The following PRSS12 variants were observed in gnomAD, a reference collection of about 807,000 sequenced individuals.
The protein encoded by PRSS12 is serine protease 12.
Under a neutral mutation model 104.4 loss-of-function variants are expected in PRSS12, and 85 were observed. The ratio of observed to expected loss-of-function variants is 0.81; its 90% CI spans 0.68 to 0.98. The LOEUF is 0.98. PRSS12 is among the 50% of genes least tolerant of loss of function. The pLI is 0.00. For synonymous variants in PRSS12, 454 were observed against 425.2 expected, an observed-to-expected ratio of 1.07 and a Z score of -0.83; for missense variants, 1,141 against 1,139.2, an observed-to-expected ratio of 1.00 and a Z score of -0.02.
At chr4:118,327,419 T>G (rs1723802677) in intron 4 of PRSS12, among the ~76,000 whole-genome samples, 1 of 152,106 alleles carries the variant, frequency 6.6e-6, no homozygotes, top group South Asian at 2.1e-4. Context: ...CACAAAGTGT[T>G]GGGATTATAG....
chr4:118,322,786 G>A (rs996123070), intron 4 of PRSS12, among the ~76,000 whole-genome samples: 7 of 152,046 alleles, frequency 4.6e-5, no homozygotes, highest in South Asian at 2.1e-4. Context: ...GAAGATACAG[G>A]ATAGGAGAGA....
intron 4 of PRSS12, among the ~76,000 whole-genome samples, chr4:118,328,616 G>C (rs1487382984): frequency 6.6e-6 from 1 of 152,014 alleles, no homozygotes; most frequent in Non-Finnish European, 1.5e-5. Context: ...CTACATTACA[G>C]CATGAATTTC....
At chr4:118,351,357 A>T (rs564610373) in intron 1 of PRSS12, among the ~76,000 whole-genome samples, 1 of 152,174 alleles carries the variant, frequency 6.6e-6, no homozygotes, top group Non-Finnish European at 1.5e-5. Context: ...CAAAAAAAAA[A>T]ACCTAATTTC....
At chr4:118,315,388 T>C (rs1043461283) in intron 6 of PRSS12, among the ~76,000 whole-genome samples, 4 of 152,188 alleles carry the variant, frequency 2.6e-5, no homozygotes, top group African/African-American at 9.6e-5. Flanking sequence ...ATGTTTAACA[T>C]GGCTTTGCCT....
In PRSS12 at chr4:118,331,788, T is replaced by C. The variant is rs529092668; in HGVS notation, c.899A>G (p.Gln300Arg). The change falls in exon 4 of 13, where the codon CAG becomes CGG. Residue 300 changes from glutamine to arginine, a missense_variant. Transcript: ENST00000296498. ...EGRVELYHAG[Q>R]WGTVCDDQWD... The stretch of plus-strand genomic sequence containing the variant: ...TTGGTCATCACAAACGGTTCCCCAC[T>C]GGCCAGCATGGTAGAGCTCCACCCG... The C allele has an allele frequency of 6.2e-7, 1 of 1,614,194 alleles. No individual in the cohort carries two copies. The highest frequency in any genetic ancestry group is 1.1e-5 in the South Asian group (1 of 91,088).
At chr4:118,327,177 C>A (rs1723796032) in intron 4 of PRSS12, among the ~76,000 whole-genome samples, 1 of 151,506 alleles carries the variant, frequency 6.6e-6, no homozygotes, top group South Asian at 2.1e-4. Context: ...TTTTTTGAAA[C>A]AGGGTCTTAC....
At chr4:118,345,054 G>C (rs191832562) in intron 1 of PRSS12, among the ~76,000 whole-genome samples, 257 of 152,262 alleles carry the variant, frequency 1.7e-3, no homozygotes, top group African/African-American at 6.0e-3. Flanking sequence ...ACCTCACCCA[G>C]AAAATGGCTG....
At chr4:118,347,957 T>G (rs1158539482) in intron 1 of PRSS12, among the ~76,000 whole-genome samples, 2 of 152,164 alleles carry the variant, frequency 1.3e-5, no homozygotes, top group African/African-American at 4.8e-5. Flanking sequence ...TGGGCAGCCA[T>G]GGTAGCTCAT....
intron 1 of PRSS12, among the ~76,000 whole-genome samples, 170 bp from the exon 2 acceptor site, chr4:118,338,484 G>C (rs1724116953): frequency 6.6e-6 from 1 of 152,154 alleles, no homozygotes; most frequent in Non-Finnish European, 1.5e-5. Context: ...TGAGGATTTA[G>C]CAAGCTCCTT....
At chr4:118,299,611 C>T (rs1407980253) in intron 8 of PRSS12, among the ~76,000 whole-genome samples, 2 of 150,820 alleles carry the variant, frequency 1.3e-5, no homozygotes, top group Non-Finnish European at 1.5e-5. Context: ...ACCGAAGAGG[C>T]GGAAGCTGCA....
chr4:118,295,778 C>G lies in PRSS12; in HGVS notation c.1916G>C (p.Arg639Thr), dbSNP rs1337934011. Residue 639 changes from arginine (R) to threonine (T), a missense_variant and splice_region_variant, in exon 10 of 13, where the codon AGG becomes ACG. By Grantham distance (71) the Arg-to-Thr change is moderately conservative. Transcript: ENST00000296498. ...KRIIGGKNSL[R>T]GGWPWQVSLR... ...AAATCTCTTTTGGAGGAACATTTAC[C>G]TTAAAGAATTTTTCCCACCAATGAT... The G allele has an allele frequency of 6.2e-7, 1 of 1,611,772 alleles. No homozygotes were observed. Among genetic ancestry groups the G allele is most frequent in the Admixed American group, 1.7e-5 (1 of 59,960 alleles).
At chr4:118,294,288 C>A (rs1743201107) in intron 11 of PRSS12, among the ~76,000 whole-genome samples, 1 of 151,784 alleles carries the variant, frequency 6.6e-6, no homozygotes, top group African/African-American at 2.4e-5. Context: ...ATTTAAATAC[C>A]AAAATTAATG....
At chr4:118,332,954 C>A (rs557608654) in intron 3 of PRSS12, among the ~76,000 whole-genome samples, 1 of 151,886 alleles carries the variant, frequency 6.6e-6, no homozygotes, top group African/African-American at 2.4e-5. Flanking sequence ...CTAAGGGCGT[C>A]GATAAAAGGA....
intron 1 of PRSS12, among the ~76,000 whole-genome samples, chr4:118,349,342 T>G (rs907423775): frequency 6.6e-6 from 1 of 151,356 alleles, no homozygotes; most frequent in Non-Finnish European, 1.5e-5. Flanking sequence ...AGGCAGAGGT[T>G]GCAGTGCACT....
chr4:118,330,018 A>G (rs1514659), intron 4 of PRSS12, among the ~76,000 whole-genome samples: 112,963 of 152,168 alleles, frequency 0.74, 43,908 homozygotes, highest in South Asian at 0.89. Flanking sequence ...CCAAGATGCC[A>G]TATTCCTAAC....
intron 11 of PRSS12, among the ~76,000 whole-genome samples, chr4:118,288,842 C>T (rs749288549): frequency 1.1e-4 from 16 of 152,152 alleles, no homozygotes; most frequent in Non-Finnish European, 1.9e-4. Context: ...AACAAAGTTT[C>T]CAATTCAAAT....
chr4:118,306,794 A>G (rs1303812115), intron 8 of PRSS12, among the ~76,000 whole-genome samples: 1 of 152,190 alleles, frequency 6.6e-6, no homozygotes, highest in African/African-American at 2.4e-5. Context: ...AAGTAATAAC[A>G]CACGACTACA....
chr4:118,287,182 T>C (rs1450876813), intron 11 of PRSS12, among the ~76,000 whole-genome samples: 1 of 152,172 alleles, frequency 6.6e-6, no homozygotes, highest in Non-Finnish European at 1.5e-5. Context: ...GTTCACTCTG[T>C]TGCCCAGGCT....
chr4:118,286,009 A>T (rs1046841690), intron 11 of PRSS12, among the ~76,000 whole-genome samples: 1 of 152,208 alleles, frequency 6.6e-6, no homozygotes, highest in Non-Finnish European at 1.5e-5. Flanking sequence ...CATTACTAGC[A>T]CAGGCAATTT....
Sources: gnomAD v4.1 joint callset for allele counts (sites outside exome capture counted in the v4.1 genomes callset) on GRCh38, gnomAD v4.1.1 for gene constraint, MANE v1.5 for transcripts, NCBI Gene and HGNC (gene_info 2026-07-23, HGNC 2026-07-21) for gene names.